The following ALPK1 variants were observed in gnomAD, a reference collection of about 807,000 sequenced individuals.
ALPK1 encodes the protein alpha kinase 1.
Under a neutral mutation model 120.6 loss-of-function variants are expected in ALPK1, and 110 were observed. The observed-to-expected ratio is 0.91, with a 90% CI of 0.78 to 1.07. The LOEUF is 1.07. Ranked by LOEUF, ALPK1 falls within the 50% of genes least tolerant of loss-of-function variation. The probability of loss-of-function intolerance (pLI) is 0.00; values close to 1 mark genes in which losing one functional copy is unlikely to be tolerated. For synonymous variants in ALPK1, 582 were observed against 560.3 expected (o/e 1.04, Z -0.55); for missense variants, 1,498 against 1,483.9 (o/e 1.01, Z -0.16).
At chr4:112,362,350 A>G (rs1438805195) in intron 2 of ALPK1, among the ~76,000 whole-genome samples, 1 of 152,244 alleles carries the variant, frequency 6.6e-6, no homozygotes, top group East Asian at 1.9e-4. Flanking sequence ...GATACAAGAT[A>G]TTAATGGAAA....
chr4:112,348,802 C>A (rs1374346708), intron 2 of ALPK1, among the ~76,000 whole-genome samples: 2 of 152,184 alleles, frequency 1.3e-5, no homozygotes, highest in South Asian at 4.1e-4. Flanking sequence ...GTCTGCCAAT[C>A]CCCAGGCCAG....
At chr4:112,413,842 A>C (rs577732439) in intron 5 of ALPK1, among the ~76,000 whole-genome samples, 9 of 152,240 alleles carry the variant, frequency 5.9e-5, no homozygotes, top group Non-Finnish European at 1.2e-4. Context: ...CATGATGAAT[A>C]GGATGCTCCT....
chr4:112,396,769 G>GT lies in ALPK1; in HGVS notation c.276+14226dup, dbSNP rs374348497. On this transcript the variant is annotated intron_variant, in intron 4 of 15. Transcript: ENST00000650871. ...TCTTTTCAGTAATCTATGTAGAGCT[G>GT]TTTTTTTTTCTTTTTTTATGTTTTT... Among the ~76,000 whole-genome samples the GT allele has an allele frequency of 1.9e-3, 287 of 150,424 alleles. 2 individuals are homozygous for GT. The highest frequency in any genetic ancestry group is 3.4e-3 in the Admixed American group (51 of 15,112).
At chr4:112,414,120 C>A (rs1733620583) in intron 5 of ALPK1, 4 of 384,164 alleles carry the variant, frequency 1.0e-5, no homozygotes, top group South Asian at 5.6e-5. Flanking sequence ...GGCTCTCAGG[C>A]CCAGCACTTA....
chr4:112,313,864 G>A (rs1011980857), intron 1 of ALPK1, among the ~76,000 whole-genome samples: 5 of 152,162 alleles, frequency 3.3e-5, no homozygotes, highest in African/African-American at 1.2e-4. Context: ...GGAAGAGAGA[G>A]GTTGGAAGCT....
intron 2 of ALPK1, among the ~76,000 whole-genome samples, chr4:112,349,560 C>A (rs1173913386): frequency 1.4e-5 from 2 of 146,508 alleles, no homozygotes; most frequent in African/African-American, 5.1e-5. Flanking sequence ...TGCCCCCCCC[C>A]GCTTTATTTT....
chr4:112,441,481 T>C lies in ALPK1; in HGVS notation c.*271T>C. The C allele has an allele frequency of 1.8e-5, 9 of 498,410 alleles. No individual in the cohort carries two copies. The highest frequency in any genetic ancestry group is 2.9e-5 in the Non-Finnish European group (8 of 279,252). The allele number at this position is 498,410 out of a possible 1,614,324, so 30.9% of individuals were successfully genotyped here. ...GAAAAGCACTCTTGAGAAAGGCATG[T>C]GTTGTTTAAGCCATTGAGATTTTAG... On this transcript the variant is annotated 3_prime_UTR_variant, in exon 16 of 16. Transcript: ENST00000650871.
chr4:112,303,738 T>C (rs1727893404), intron 1 of ALPK1, among the ~76,000 whole-genome samples: 1 of 152,016 alleles, frequency 6.6e-6, no homozygotes, highest in South Asian at 2.1e-4. Flanking sequence ...AATCATACTT[T>C]AAGTTCTAGG....
At chr4:112,410,226 A>C (rs758801511) in intron 4 of ALPK1, among the ~76,000 whole-genome samples, 1 of 151,988 alleles carries the variant, frequency 6.6e-6, no homozygotes, top group Non-Finnish European at 1.5e-5. Context: ...GACTCCCAGC[A>C]GCTCCATCCG....
intron 1 of ALPK1, among the ~76,000 whole-genome samples, chr4:112,304,626 G>C (rs980009148): frequency 6.6e-6 from 1 of 152,042 alleles, no homozygotes; most frequent in African/African-American, 2.4e-5. Flanking sequence ...GTTTGTCCAA[G>C]TTCTTTGTAG....
intron 2 of ALPK1, chr4:112,356,966 GACC>G: frequency 1.3e-6 from 1 of 767,780 alleles, no homozygotes. Context: ...GGACGTCATA[GACC>G]AGGTGCTGGA....
At chr4:112,409,815 A>G (rs1733370484) in intron 4 of ALPK1, among the ~76,000 whole-genome samples, 1 of 152,300 alleles carries the variant, frequency 6.6e-6, no homozygotes, top group Admixed American at 6.5e-5. Flanking sequence ...CTTCCGTCAC[A>G]TGGAAGGAAA....
rs1733518999 is a variant in ALPK1 at position 112,412,318 on chromosome 4, AACAGGGGT to A, written c.475+295_475+302del. On this transcript the variant is annotated intron_variant, in intron 5 of 15. Coordinates refer to ENST00000650871, the MANE Select transcript of ALPK1 (RefSeq NM_025144.4). ...TAACAAATCTGTCCTGCTGCTTTCA[AACAGGGGT>A]ATCTGAATTGCTATACTTCTGACCA... The A allele has an allele frequency of 1.3e-4, 72 of 572,620 alleles. 1 individual carries two copies. Among genetic ancestry groups the A allele is most frequent in the South Asian group, 1.1e-3 (72 of 65,458 alleles). 35.5% of individuals were successfully genotyped at this position (572,620 alleles called of 1,614,324 possible).
rs551259200 is a variant in ALPK1 at position 112,375,897 on chromosome 4, T to C, written c.-100-1781T>C. Among the ~76,000 whole-genome samples the C allele has an allele frequency of 1.1e-4, 16 of 152,260 alleles. No individual in the cohort carries two copies. The South Asian group carries it at 3.3e-3, about 32-fold the overall frequency. On this transcript the variant is annotated intron_variant, in intron 2 of 15. Transcript: ENST00000650871. ...TGAGATGTGTGACTCTTCCTTTCAC[T>C]TGAACACATAGAGGCTGCTGTAGGG...
chr4:112,439,963 T>C, intron 14 of ALPK1, 91 bp downstream of exon 14: 2 of 1,145,520 alleles, frequency 1.7e-6, no homozygotes, highest in Non-Finnish European at 2.4e-6. Flanking sequence ...CTTAATAGAT[T>C]GTTCCATGTA....
intron 2 of ALPK1, among the ~76,000 whole-genome samples, chr4:112,319,503 T>C (rs2110543042): frequency 6.6e-6 from 1 of 152,376 alleles, no homozygotes; most frequent in East Asian, 1.9e-4. Context: ...TTCTTTTTGC[T>C]TAGTCTTGCT....
intron 2 of ALPK1, among the ~76,000 whole-genome samples, chr4:112,372,129 C>T (rs1731439055): frequency 6.6e-6 from 1 of 151,986 alleles, no homozygotes; most frequent in African/African-American, 2.4e-5. Flanking sequence ...TTACTATATG[C>T]TGTTTCTACT....
intron 1 of ALPK1, among the ~76,000 whole-genome samples, chr4:112,301,953 C>A (rs761554402): frequency 6.6e-6 from 1 of 152,088 alleles, no homozygotes; most frequent in African/African-American, 2.4e-5. Context: ...ACAACTGAAC[C>A]TTCACTCGAT....
intron 6 of ALPK1, 183 bp from the exon 7 acceptor site, chr4:112,425,482 C>T (rs1345212251): frequency 1.3e-5 from 6 of 466,210 alleles, no homozygotes; most frequent in Non-Finnish European, 2.4e-5. Context: ...GGAGACCAGA[C>T]AGGAGTCAGT....
Sources: gnomAD v4.1 joint callset for allele counts (sites outside exome capture counted in the v4.1 genomes callset) on GRCh38, gnomAD v4.1.1 for gene constraint, MANE v1.5 for transcripts, NCBI Gene and HGNC (gene_info 2026-07-23, HGNC 2026-07-21) for gene names.